The following SND1 variants were observed in gnomAD, a reference collection of about 807,000 sequenced individuals.
SND1 encodes staphylococcal nuclease and tudor domain containing 1.
Under a neutral mutation model 121.7 loss-of-function variants are expected in SND1, and 38 were observed. The observed-to-expected ratio is 0.31, with a 90% CI of 0.24 to 0.41. The LOEUF (loss-of-function observed/expected upper bound fraction) is 0.41. SND1 is among the 10% of genes least tolerant of loss of function. The pLI is 1.00. For synonymous variants in SND1, 401 were observed against 447.4 expected (o/e 0.90, Z 1.31); for missense variants, 868 against 1,184.6 (o/e 0.73, Z 3.92).
At chr7:127,698,975 G>C in intron 4 of SND1, 22 bp downstream of exon 4, 2 of 1,598,088 alleles carry the variant, frequency 1.3e-6, no homozygotes, top group South Asian at 1.1e-5. Flanking sequence ...TTACTCCGCT[G>C]TCTCTCTGAC....
At chr7:127,942,007 G>T (rs1266534911) in intron 15 of SND1, among the ~76,000 whole-genome samples, 2 of 150,604 alleles carry the variant, frequency 1.3e-5, no homozygotes, top group Non-Finnish European at 2.9e-5. Flanking sequence ...ATATTGCGTA[G>T]AGTGGCCATT....
chr7:127,733,137 G>T (rs1796709774), intron 10 of SND1, among the ~76,000 whole-genome samples: 1 of 151,924 alleles, frequency 6.6e-6, no homozygotes, highest in Admixed American at 6.5e-5. Context: ...TACTGTCTTG[G>T]TGTTGGTCAG....
chr7:128,091,923 A>G, intron 23 of SND1, 42 bp downstream of exon 23: 1 of 1,613,902 alleles, frequency 6.2e-7, no homozygotes. Flanking sequence ...TACCGAGTTG[A>G]GGGGTTTGGC....
chr7:127,777,469 C>T (rs1330264437), intron 10 of SND1, among the ~76,000 whole-genome samples: 2 of 152,096 alleles, frequency 1.3e-5, no homozygotes, highest in East Asian at 1.9e-4. Context: ...TCTAGACTTC[C>T]GTCTTAATTG....
intron 13 of SND1, among the ~76,000 whole-genome samples, chr7:127,890,863 T>C (rs1468984468): frequency 6.6e-6 from 1 of 152,174 alleles, no homozygotes. Flanking sequence ...GATAATTGTG[T>C]TGAGCCATTG....
At chr7:128,088,372 G>T (rs1793719993) in intron 21 of SND1, among the ~76,000 whole-genome samples, 1 of 151,032 alleles carries the variant, frequency 6.6e-6, no homozygotes, top group Non-Finnish European at 1.5e-5. Flanking sequence ...GCGGTGAGAG[G>T]ATCGCTCGAG....
At chr7:128,012,182 A>G (rs1803130477) in intron 16 of SND1, among the ~76,000 whole-genome samples, 1 of 152,182 alleles carries the variant, frequency 6.6e-6, no homozygotes, top group South Asian at 2.1e-4. Context: ...ATAAGTTTTC[A>G]TGAGTAATCT....
intron 5 of SND1, among the ~76,000 whole-genome samples, chr7:127,701,890 A>G (rs766031437): frequency 6.6e-6 from 1 of 152,164 alleles, no homozygotes; most frequent in Non-Finnish European, 1.5e-5. Flanking sequence ...GACTCAACAT[A>G]ATACTTGGTG....
intron 12 of SND1, among the ~76,000 whole-genome samples, chr7:127,872,290 C>G (rs1703289548): frequency 6.6e-6 from 1 of 152,234 alleles, no homozygotes; most frequent in South Asian, 2.1e-4. Context: ...CCCATATCCT[C>G]TGCTCTGTGT....
intron 11 of SND1, among the ~76,000 whole-genome samples, chr7:127,807,932 GT>G (rs1443110576): frequency 6.6e-6 from 1 of 152,124 alleles, no homozygotes; most frequent in Non-Finnish European, 1.5e-5. Flanking sequence ...GCGAGGGAAG[GT>G]TGCTGCTTTT....
At chr7:127,804,397 C>T (rs1197907748) in intron 10 of SND1, among the ~76,000 whole-genome samples, 1 of 152,128 alleles carries the variant, frequency 6.6e-6, no homozygotes, top group African/African-American at 2.4e-5. Flanking sequence ...TTTGTTGATA[C>T]ACTTTTTATT....
intron 9 of SND1, among the ~76,000 whole-genome samples, chr7:127,719,765 C>T (rs1174985146): frequency 6.6e-6 from 1 of 152,200 alleles, no homozygotes; most frequent in Non-Finnish European, 1.5e-5. Context: ...CTCTACACTG[C>T]TTTCATTGCT....
chr7:127,802,956 G>A (rs756713444), intron 10 of SND1, among the ~76,000 whole-genome samples: 6 of 152,036 alleles, frequency 3.9e-5, no homozygotes, highest in Non-Finnish European at 8.8e-5. Context: ...CCTCACTGCC[G>A]CTGCCTTGAT....
intron 10 of SND1, among the ~76,000 whole-genome samples, chr7:127,760,427 A>C (rs1189627150): frequency 6.6e-6 from 1 of 152,236 alleles, no homozygotes; most frequent in African/African-American, 2.4e-5. Context: ...AAGATAACAC[A>C]TAGAAGACAT....
chr7:127,741,617 T>A (rs2116435484), intron 10 of SND1, among the ~76,000 whole-genome samples: 1 of 152,284 alleles, frequency 6.6e-6, no homozygotes, highest in East Asian at 1.9e-4. Flanking sequence ...CCCTTTCTCC[T>A]CCTTCCTCAC....
chr7:127,800,918 T>C (rs1453471020), intron 10 of SND1, among the ~76,000 whole-genome samples: 3 of 152,220 alleles, frequency 2.0e-5, no homozygotes, highest in Admixed American at 6.5e-5. Flanking sequence ...TGCATTTATA[T>C]TGGGTTTTAC....
chr7:127,865,350 G>A (rs771479278), intron 12 of SND1, among the ~76,000 whole-genome samples: 1 of 152,176 alleles, frequency 6.6e-6, no homozygotes, highest in Non-Finnish European at 1.5e-5. Context: ...GTGGCTCAGA[G>A]CATTATTGTA....
intron 15 of SND1, among the ~76,000 whole-genome samples, chr7:127,932,352 C>T (rs566584036): frequency 6.6e-6 from 1 of 152,200 alleles, no homozygotes; most frequent in African/African-American, 2.4e-5. Context: ...AGAAGTAGAG[C>T]CTGGGGATAA....
intron 10 of SND1, among the ~76,000 whole-genome samples, chr7:127,765,054 A>G (rs933780961): frequency 6.6e-6 from 1 of 152,184 alleles, no homozygotes; most frequent in Non-Finnish European, 1.5e-5. Context: ...TTGGGAGACT[A>G]AAGAGGAATT....
Sources: gnomAD v4.1 joint callset for allele counts (sites outside exome capture counted in the v4.1 genomes callset) on GRCh38, gnomAD v4.1.1 for gene constraint, MANE v1.5 for transcripts, NCBI Gene and HGNC (gene_info 2026-07-23, HGNC 2026-07-21) for gene names.